Variants in UST observed in about 807,000 individuals in gnomAD.
The protein encoded by UST is uronyl 2-sulfotransferase, also known as chondroitin sulfate 2-O-sulfotransferase.
Under a neutral mutation model 45.6 loss-of-function variants are expected in UST, and 21 were observed. That is an observed-to-expected ratio of 0.46 (90% CI 0.33 to 0.66). The LOEUF (loss-of-function observed/expected upper bound fraction) is 0.66. Among genes scored for constraint, UST ranks in the 30% least tolerant of loss-of-function variants. The probability of loss-of-function intolerance (pLI) is 0.02; values close to 1 mark genes in which losing one functional copy is unlikely to be tolerated. For missense variants in UST, 463 were observed against 512.4 expected (o/e 0.90, Z 0.93); for synonymous variants, 215 against 200.6 (o/e 1.07, Z -0.61).
chr6:148,878,499 T>C (rs1396410982), intron 1 of UST, among the ~76,000 whole-genome samples: 2 of 95,662 alleles, frequency 2.1e-5, no homozygotes, highest in Admixed American at 1.3e-4. Flanking sequence ...GTACAGGGAT[T>C]GTGTATGAGT....
intron 1 of UST, among the ~76,000 whole-genome samples, chr6:148,783,108 C>A (rs1776673913): frequency 6.6e-6 from 1 of 152,138 alleles, no homozygotes; most frequent in African/African-American, 2.4e-5. Context: ...GAGACAAGAC[C>A]CTCCTCCAGC....
At chr6:148,764,177 T>G (rs1045470405) in intron 1 of UST, among the ~76,000 whole-genome samples, 1 of 152,194 alleles carries the variant, frequency 6.6e-6, no homozygotes, top group Non-Finnish European at 1.5e-5. Flanking sequence ...TTTTAATCAA[T>G]GTTTTATAAT....
chr6:148,920,725 C>G (rs1005148951), intron 2 of UST, among the ~76,000 whole-genome samples: 1 of 152,032 alleles, frequency 6.6e-6, no homozygotes, highest in Non-Finnish European at 1.5e-5. Context: ...AGATGAGATT[C>G]CACCATGTTG....
intron 7 of UST, among the ~76,000 whole-genome samples, chr6:149,055,536 C>T (rs1259703023): frequency 1.3e-5 from 2 of 152,196 alleles, no homozygotes; most frequent in African/African-American, 4.8e-5. Flanking sequence ...ACCCGTTTCT[C>T]CTGTCCCCTC....
rs377549362 is a variant in UST, at chr6:149,002,330, A to T, written c.682-16809A>T. On this transcript the variant is annotated intron_variant, in intron 5 of 7. Transcript: ENST00000367463. ...AACGCAATGTAAGGTGCAGAAATTA[A>T]GTATTTTAATCTCACTAAAAGTAAA... Among the ~76,000 whole-genome samples the T allele has an allele frequency of 4.6e-5, 7 of 152,320 alleles. 1 individual carries two copies. Among genetic ancestry groups the T allele is most frequent in the Admixed American group, 1.3e-4 (2 of 15,308 alleles).
chr6:148,847,313 G>A (rs966452007), intron 1 of UST, among the ~76,000 whole-genome samples: 11 of 152,226 alleles, frequency 7.2e-5, no homozygotes, highest in African/African-American at 2.7e-4. Context: ...GCTTGACTGG[G>A]GAAGGAGCTG....
At chr6:148,833,134 A>G (rs1777720297) in intron 1 of UST, among the ~76,000 whole-genome samples, 1 of 152,208 alleles carries the variant, frequency 6.6e-6, no homozygotes, top group South Asian at 2.1e-4. Context: ...ACAGTATCAT[A>G]GGGTATAATG....
intron 3 of UST, among the ~76,000 whole-genome samples, chr6:148,946,328 T>G (rs770703404): frequency 2.6e-5 from 4 of 151,884 alleles, no homozygotes; most frequent in South Asian, 4.2e-4. Flanking sequence ...CTGGCCAACA[T>G]GGTGAAACCC....
intron 4 of UST, among the ~76,000 whole-genome samples, chr6:148,963,156 A>G (rs1209788367): frequency 6.6e-6 from 1 of 152,166 alleles, no homozygotes; most frequent in African/African-American, 2.4e-5. Context: ...TTAATTGCTG[A>G]GGGATGTGAT....
At chr6:148,999,905 T>C (rs1013914029) in intron 5 of UST, among the ~76,000 whole-genome samples, 8 of 152,168 alleles carry the variant, frequency 5.3e-5, no homozygotes, top group Admixed American at 2.6e-4. Flanking sequence ...TATATTGTAA[T>C]GATTGATAGA....
intron 1 of UST, among the ~76,000 whole-genome samples, chr6:148,774,075 C>T (rs1023357563): frequency 2.6e-5 from 4 of 152,168 alleles, no homozygotes; most frequent in African/African-American, 9.7e-5. Flanking sequence ...CTAGTGACTA[C>T]AGCAAACCCT....
Position 148,941,325 on chromosome 6 carries a change from G to A in UST, c.338G>A (p.Cys113Tyr), listed in dbSNP as rs1184434429. 6.2e-7 allele frequency: 1 copy of A among 1,612,944 alleles called. No individual in the cohort carries two copies. Among genetic ancestry groups the A allele is most frequent in the East Asian group, 2.2e-5 (1 of 44,874 alleles). ...SQVVYNRVGK[C>Y]GSRTVVLLLR... ...GTGGTGTACAACAGGGTAGGCAAGTGTGGGAGCCGTACTGTGGTCTTGCTT... is the reference window on the plus strand; with the variant it reads ...GTGGTGTACAACAGGGTAGGCAAGTATGGGAGCCGTACTGTGGTCTTGCTT... Residue 113 changes from cysteine (C) to tyrosine (Y), a missense_variant, in exon 3 of 8, where the codon TGT (cysteine) becomes TAT (tyrosine). Physicochemically the swap from Cys to Tyr is radical, Grantham distance 194. Coordinates refer to ENST00000367463, the MANE Select transcript of UST (RefSeq NM_005715.3).
intron 1 of UST, among the ~76,000 whole-genome samples, chr6:148,877,779 C>A (rs1430933466): frequency 3.8e-5 from 1 of 26,408 alleles, no homozygotes; most frequent in Non-Finnish European, 7.0e-5. Context: ...TGAATGAGTG[C>A]GGGGTTGGGT....
chr6:148,956,367 C>CA (rs1780503255), intron 4 of UST, among the ~76,000 whole-genome samples: 1 of 94,334 alleles, frequency 1.1e-5, no homozygotes, highest in Non-Finnish European at 2.1e-5. Flanking sequence ...GCACTTCTTA[C>CA]ATGGTGGCGG....
intron 1 of UST, among the ~76,000 whole-genome samples, chr6:148,795,894 C>T (rs573949952): frequency 3.3e-5 from 5 of 152,226 alleles, no homozygotes; most frequent in African/African-American, 1.2e-4. Flanking sequence ...TTTCCAGAGA[C>T]AATTTATTAT....
chr6:148,755,932 G>A (rs1776087545), intron 1 of UST, among the ~76,000 whole-genome samples: 1 of 151,836 alleles, frequency 6.6e-6, no homozygotes, highest in Non-Finnish European at 1.5e-5. Flanking sequence ...ACGTATACAT[G>A]TGCCATCTTG....
chr6:148,972,170 G>A (rs567951216), intron 5 of UST, among the ~76,000 whole-genome samples: 1 of 152,334 alleles, frequency 6.6e-6, no homozygotes, highest in African/African-American at 2.4e-5. Flanking sequence ...AGCCATATAG[G>A]ACTTGTCATT....
At chr6:148,826,667 A>C (rs1414295434) in intron 1 of UST, among the ~76,000 whole-genome samples, 1 of 152,172 alleles carries the variant, frequency 6.6e-6, no homozygotes, top group Non-Finnish European at 1.5e-5. Flanking sequence ...TGCTGTAACA[A>C]ATTGTCACAA....
intron 3 of UST, among the ~76,000 whole-genome samples, chr6:148,944,765 C>T (rs1780201034): frequency 6.6e-6 from 1 of 152,228 alleles, no homozygotes; most frequent in South Asian, 2.1e-4. Context: ...TGGACTTTCG[C>T]ACAGCTCATC....
Sources: allele counts gnomAD v4.1 joint callset (sites outside exome capture counted in the v4.1 genomes callset), GRCh38; gene constraint gnomAD v4.1.1; transcripts MANE v1.5; gene names NCBI Gene and HGNC (gene_info 2026-07-23, HGNC 2026-07-21).